Variants in ADAMTS19 observed in about 807,000 individuals in gnomAD.
The protein encoded by ADAMTS19 is A disintegrin and metalloproteinase with thrombospondin motifs 19.
Under a neutral mutation model 153.3 loss-of-function variants are expected in ADAMTS19, and 93 were observed. The ratio of observed to expected loss-of-function variants is 0.61; its 90% CI spans 0.51 to 0.72. The LOEUF is 0.72. Among genes scored for constraint, ADAMTS19 ranks in the 30% least tolerant of loss-of-function variants. ADAMTS19 has a pLI of 0.00. For missense variants in ADAMTS19, 1,482 were observed against 1,552.1 expected (o/e 0.95, Z 0.76); for synonymous variants, 600 against 556.6 (o/e 1.08, Z -1.10).
chr5:129,478,225 G>T (rs915735499), intron 2 of ADAMTS19, among the ~76,000 whole-genome samples: 1 of 152,138 alleles, frequency 6.6e-6, no homozygotes, highest in Admixed American at 6.6e-5. Context: ...GCTCTATAGG[G>T]TGTTGCTATG....
At chr5:129,471,601 G>C (rs1007562205) in intron 2 of ADAMTS19, among the ~76,000 whole-genome samples, 1 of 152,010 alleles carries the variant, frequency 6.6e-6, no homozygotes, top group African/African-American at 2.4e-5. Flanking sequence ...GGTTTGTTAA[G>C]TAGGTGAACT....
chr5:129,481,743 A>AT (rs531736384), intron 2 of ADAMTS19, among the ~76,000 whole-genome samples: 343 of 152,282 alleles, frequency 2.3e-3, no homozygotes, highest in Admixed American at 5.8e-3. Flanking sequence ...TAGAAAGAGA[A>AT]TCCCCAGTTC....
intron 19 of ADAMTS19, among the ~76,000 whole-genome samples, chr5:129,698,878 A>C (rs1755693086): frequency 6.6e-6 from 1 of 152,332 alleles, no homozygotes; most frequent in South Asian, 2.1e-4. Context: ...ACTCCAAAGC[A>C]AAATGGCAGG....
intron 7 of ADAMTS19, among the ~76,000 whole-genome samples, chr5:129,589,098 A>T (rs2126902846): frequency 6.6e-6 from 1 of 152,076 alleles, no homozygotes; most frequent in African/African-American, 2.4e-5. Flanking sequence ...ACAATAGTAG[A>T]GTTTAGATTT....
rs866596152 is a variant in ADAMTS19, at chr5:129,467,805, T to G, written c.747+6048T>G. ...AAAGGTATGCAATGAAAAATCTTCC[T>G]CAAATACCTATTCCCCGGTTAGTAC... On this transcript the variant is annotated intron_variant, in intron 2 of 22. Coordinates refer to ENST00000274487, the MANE Select transcript of ADAMTS19 (RefSeq NM_133638.6). Among the ~76,000 whole-genome samples the G allele has an allele frequency of 9.2e-5, 14 of 152,350 alleles. No homozygotes were observed. In the Middle Eastern group the frequency reaches 0.014, roughly 148 times the overall value.
At chr5:129,598,990 C>G (rs952441046) in intron 8 of ADAMTS19, among the ~76,000 whole-genome samples, 1 of 152,018 alleles carries the variant, frequency 6.6e-6, no homozygotes, top group Non-Finnish European at 1.5e-5. Context: ...ACAGTTCAAA[C>G]CCATGTTGTT....
chr5:129,509,180 C>T lies in ADAMTS19; in HGVS notation c.851C>T (p.Ser284Phe). The change falls in exon 3 of 23, where the codon TCC (serine) becomes TTC (phenylalanine). Residue 284 changes from serine to phenylalanine, a missense_variant. Transcript: ENST00000274487. ...CACCGTGTATATAGGCAGAAAAGGT[C>T]CATGGAGGAAAAGGTCACAGAGAAG... is the stretch of plus-strand genomic sequence containing the variant. The part of the protein sequence containing the change: ...HPHRVYRQKR[S>F]MEEKVTEKSA... 1 of 1,612,190 alleles carries T rather than the reference C, an allele frequency of 6.2e-7. No homozygotes were observed. Among genetic ancestry groups the T allele is most frequent in the Non-Finnish European group, 8.5e-7 (1 of 1,178,792 alleles).
At chr5:129,670,940 C>T (rs1270007498) in intron 16 of ADAMTS19, among the ~76,000 whole-genome samples, 1 of 152,120 alleles carries the variant, frequency 6.6e-6, no homozygotes, top group African/African-American at 2.4e-5. Context: ...CGTAAATTCT[C>T]CTTGTGCTTA....
chr5:129,674,757 A>T (rs1754480602), intron 16 of ADAMTS19, among the ~76,000 whole-genome samples: 1 of 152,136 alleles, frequency 6.6e-6, no homozygotes, highest in African/African-American at 2.4e-5. Context: ...ATATATTTTA[A>T]ACACCAAAAT....
intron 21 of ADAMTS19, among the ~76,000 whole-genome samples, chr5:129,712,421 C>T (rs1756525355): frequency 6.6e-6 from 1 of 152,122 alleles, no homozygotes; most frequent in Admixed American, 6.5e-5. Flanking sequence ...AGTAGGATCC[C>T]TTTCCTCAAG....
intron 7 of ADAMTS19, among the ~76,000 whole-genome samples, chr5:129,570,087 T>C (rs1753843150): frequency 6.6e-6 from 1 of 152,000 alleles, no homozygotes. Context: ...CCTATTGATT[T>C]ATGCTCCTGG....
chr5:129,614,371 C>CTGG (rs1470797745), intron 8 of ADAMTS19, among the ~76,000 whole-genome samples: 5 of 152,224 alleles, frequency 3.3e-5, no homozygotes, highest in Admixed American at 1.3e-4. Flanking sequence ...GGATGCAAGG[C>CTGG]TGGTTCAACA....
intron 2 of ADAMTS19, among the ~76,000 whole-genome samples, chr5:129,506,026 C>T (rs1275462687): frequency 1.3e-5 from 2 of 152,208 alleles, no homozygotes; most frequent in South Asian, 2.1e-4. Flanking sequence ...TTGTGGATTG[C>T]CCAGCACAGG....
At chr5:129,504,354 T>C (rs72789083) in intron 2 of ADAMTS19, among the ~76,000 whole-genome samples, 181 of 152,320 alleles carry the variant, frequency 1.2e-3, no homozygotes, top group Admixed American at 3.5e-3. Context: ...ATATGCTATA[T>C]ATTTTTAAAT....
At chr5:129,638,152 T>A (rs1274911613) in intron 10 of ADAMTS19, among the ~76,000 whole-genome samples, 1 of 152,198 alleles carries the variant, frequency 6.6e-6, no homozygotes. Flanking sequence ...GCTCTCTTTT[T>A]CTGTTCTCTA....
chr5:129,666,354 G>A (rs1212667944), intron 16 of ADAMTS19, among the ~76,000 whole-genome samples: 1 of 152,026 alleles, frequency 6.6e-6, no homozygotes, highest in South Asian at 2.1e-4. Context: ...CATTTTTCCA[G>A]AATTGTAACA....
chr5:129,536,679 G>C (rs143162412), intron 6 of ADAMTS19, among the ~76,000 whole-genome samples: 2 of 151,922 alleles, frequency 1.3e-5, no homozygotes, highest in African/African-American at 4.8e-5. Context: ...CCAACAATGA[G>C]AGACTGGATT....
chr5:129,702,929 C>CAAAAAAAAAAAAA (rs376208133), intron 20 of ADAMTS19, among the ~76,000 whole-genome samples: 10 of 44,288 alleles, frequency 2.3e-4, no homozygotes, highest in African/African-American at 8.4e-4. Flanking sequence ...TTTGACTTGC[C>CAAAAAAAAAAAAA]AAAAAAAAAA....
chr5:129,598,632 T>C (rs1750498290), intron 8 of ADAMTS19, among the ~76,000 whole-genome samples: 1 of 152,210 alleles, frequency 6.6e-6, no homozygotes. Flanking sequence ...TGTGTATACA[T>C]TGTGGAATGG....
Sources: gnomAD v4.1 joint callset for allele counts (sites outside exome capture counted in the v4.1 genomes callset) on GRCh38, gnomAD v4.1.1 for gene constraint, MANE v1.5 for transcripts, NCBI Gene and HGNC (gene_info 2026-07-23, HGNC 2026-07-21) for gene names.